SMOC2: variants seen among roughly 807,000 people sequenced by gnomAD.
The protein encoded by SMOC2 is SPARC-related modular calcium-binding protein 2.
SMOC2 carries 39 observed loss-of-function variants against 61.4 expected under a neutral mutation model. That is an observed-to-expected ratio of 0.64 (90% CI 0.49 to 0.83). The LOEUF (loss-of-function observed/expected upper bound fraction) is 0.83, where lower values mean the gene tolerates loss of function less well. Ranked by LOEUF, SMOC2 falls within the 40% of genes least tolerant of loss-of-function variation. The pLI, the probability that SMOC2 is intolerant of heterozygous loss-of-function variation, is 0.00. For missense variants in SMOC2, 556 were observed against 592.9 expected (o/e 0.94, Z 0.65); for synonymous variants, 247 against 239.9 (o/e 1.03, Z -0.27).
intron 7 of SMOC2, among the ~76,000 whole-genome samples, chr6:168,562,607 G>A (rs1784446810): frequency 6.6e-6 from 1 of 152,142 alleles, no homozygotes; most frequent in Non-Finnish European, 1.5e-5. Flanking sequence ...AAGAGGCGAG[G>A]GCTAGATGAC....
chr6:168,599,295 CATACCA>C (rs766398121), intron 8 of SMOC2, among the ~76,000 whole-genome samples: 1 of 89,392 alleles, frequency 1.1e-5, no homozygotes, highest in Non-Finnish European at 2.4e-5. Flanking sequence ...CACACACACA[CATACCA>C]CACACACACC....
At chr6:168,480,338 C>T (rs117623212) in intron 1 of SMOC2, among the ~76,000 whole-genome samples, 1,638 of 151,602 alleles carry the variant, frequency 0.011, 13 homozygotes, top group Middle Eastern at 0.024. Context: ...CCTGTCTTAA[C>T]GATGCTCAAA....
intron 7 of SMOC2, among the ~76,000 whole-genome samples, chr6:168,589,076 CAAAAAAAA>C (rs35958554): frequency 1.1e-5 from 1 of 89,902 alleles, no homozygotes; most frequent in Admixed American, 1.2e-4. Context: ...GAATTCGTCT[CAAAAAAAA>C]AAAAAAAAAA....
chr6:168,651,457 TGCGATGGC>T (rs1324393507), intron 10 of SMOC2, among the ~76,000 whole-genome samples: 7 of 152,202 alleles, frequency 4.6e-5, no homozygotes, highest in Admixed American at 4.6e-4. Flanking sequence ...AGGGTTTTAC[TGCGATGGC>T]ATCTCAAGCA....
At chr6:168,636,866 C>A (rs1279135217) in intron 9 of SMOC2, among the ~76,000 whole-genome samples, 4 of 138,992 alleles carry the variant, frequency 2.9e-5, no homozygotes, top group African/African-American at 1.1e-4. Flanking sequence ...CTCCTCCCGC[C>A]TCCCTCCTCC....
At chr6:168,570,829 A>C (rs1014609647) in intron 7 of SMOC2, among the ~76,000 whole-genome samples, 4 of 152,210 alleles carry the variant, frequency 2.6e-5, no homozygotes, top group African/African-American at 9.7e-5. Flanking sequence ...TTTCAGGTAC[A>C]TCTCTAATCC....
At chr6:168,526,554 G>A (rs995781891) in intron 3 of SMOC2, 102 bp downstream of exon 3, 1 of 899,804 alleles carries the variant, frequency 1.1e-6, no homozygotes, top group Non-Finnish European at 1.8e-6. Flanking sequence ...AACAGAAGAA[G>A]CAGCGGGTTT....
At chr6:168,559,877 C>T (rs78981244) in intron 7 of SMOC2, among the ~76,000 whole-genome samples, 11 of 152,136 alleles carry the variant, frequency 7.2e-5, no homozygotes, top group African/African-American at 2.4e-4. Flanking sequence ...CTGTAGTCAC[C>T]CTTATCAAGT....
chr6:168,466,500 T>C (rs1459464630), intron 1 of SMOC2, among the ~76,000 whole-genome samples: 3 of 152,138 alleles, frequency 2.0e-5, no homozygotes, highest in Non-Finnish European at 4.4e-5. Flanking sequence ...TGGGCAGCAT[T>C]GGAGGGGGCA....
intron 9 of SMOC2, among the ~76,000 whole-genome samples, chr6:168,616,320 G>A (rs1312266399): frequency 2.6e-5 from 4 of 152,294 alleles, no homozygotes; most frequent in African/African-American, 4.8e-5. Context: ...ACAGGCTCAC[G>A]CCAGAACCAG....
rs1372971012 is a variant in SMOC2, at chr6:168,453,616, C to T, written c.84+12162C>T. Among the ~76,000 whole-genome samples the T allele has an allele frequency of 6.6e-6, 1 of 151,756 alleles. No individual in the cohort carries two copies. Among genetic ancestry groups the T allele is most frequent in the Non-Finnish European group, 1.5e-5 (1 of 67,950 alleles). ...TCTTTCTGTCTGTCTCTGTTTCTTC[C>T]TGTCTCTGTCTCTTTGTCTCTCTCT... On this transcript the variant is annotated intron_variant, in intron 1 of 12. Transcript: ENST00000356284. The surrounding 1 kb of genome is among the most constrained non-coding windows in gnomAD (Gnocchi z 4.4).
At chr6:168,600,571 C>T (rs1275094748) in intron 8 of SMOC2, among the ~76,000 whole-genome samples, 1 of 152,160 alleles carries the variant, frequency 6.6e-6, no homozygotes, top group Non-Finnish European at 1.5e-5. Flanking sequence ...TTCTGCCCCA[C>T]TCACGCCGGA....
intron 1 of SMOC2, among the ~76,000 whole-genome samples, chr6:168,465,608 C>G (rs184841695): frequency 6.6e-6 from 1 of 151,816 alleles, no homozygotes; most frequent in East Asian, 1.9e-4. Flanking sequence ...AGAGATTTTA[C>G]GAAAGTGACA....
chr6:168,529,521 C>T (rs1783536373), intron 4 of SMOC2, among the ~76,000 whole-genome samples: 1 of 152,230 alleles, frequency 6.6e-6, no homozygotes, highest in Non-Finnish European at 1.5e-5. Flanking sequence ...CGCAGGTCTA[C>T]AGAGTTACGG....
intron 7 of SMOC2, among the ~76,000 whole-genome samples, chr6:168,582,696 C>G (rs893372703): frequency 6.6e-6 from 1 of 152,202 alleles, no homozygotes; most frequent in African/African-American, 2.4e-5. Context: ...CATGGAGAGA[C>G]GCAGGCTCCC....
At chr6:168,631,895 G>C (rs1203627434) in intron 9 of SMOC2, among the ~76,000 whole-genome samples, 1 of 152,180 alleles carries the variant, frequency 6.6e-6, no homozygotes, top group Non-Finnish European at 1.5e-5. Context: ...CACAGCGGCT[G>C]AAAGCTCAGC....
intron 9 of SMOC2, among the ~76,000 whole-genome samples, chr6:168,623,716 G>C (rs12196283): frequency 0.21 from 31,313 of 152,012 alleles, 3,691 homozygotes; most frequent in Non-Finnish European, 0.26. Flanking sequence ...AAGGTGAGAT[G>C]CTGGGCGGAA....
intron 1 of SMOC2, among the ~76,000 whole-genome samples, chr6:168,449,647 G>A (rs572161197): frequency 7.2e-5 from 11 of 152,196 alleles, no homozygotes; most frequent in South Asian, 2.1e-4. Flanking sequence ...TTCATTTTGC[G>A]GTGGCTGGCA....
At chr6:168,665,396 C>G (rs1208684933) in intron 12 of SMOC2, among the ~76,000 whole-genome samples, 1 of 152,266 alleles carries the variant, frequency 6.6e-6, no homozygotes. Flanking sequence ...CGGCTCCTAC[C>G]GGCCGTGGCC....
Sources: allele counts gnomAD v4.1 joint callset (sites outside exome capture counted in the v4.1 genomes callset), GRCh38; gene constraint gnomAD v4.1.1; non-coding constraint Gnocchi (gnomAD v3.1); transcripts MANE v1.5; gene names NCBI Gene and HGNC (gene_info 2026-07-23, HGNC 2026-07-21).